ANKIB1: variants seen among roughly 807,000 people sequenced by gnomAD.
ANKIB1 encodes the protein ankyrin repeat and IBR domain-containing protein 1.
In ANKIB1, 43 loss-of-function variants were observed where a neutral mutation model predicts 122.1. The observed-to-expected ratio is 0.35, with a 90% CI of 0.28 to 0.45. The LOEUF is 0.45. Among genes scored for constraint, ANKIB1 ranks in the 20% least tolerant of loss-of-function variants. ANKIB1 has a pLI of 1.00. For synonymous variants in ANKIB1, 390 were observed against 442.0 expected, an observed-to-expected ratio of 0.88 and a Z score of 1.48; for missense variants, 992 against 1,329.5, an observed-to-expected ratio of 0.75 and a Z score of 3.95.
intron 2 of ANKIB1, among the ~76,000 whole-genome samples, chr7:92,301,534 G>A (rs1383432565): frequency 6.6e-6 from 1 of 151,900 alleles, no homozygotes; most frequent in African/African-American, 2.4e-5. Context: ...TTTTAATTGA[G>A]TTATTTGTTT....
intron 1 of ANKIB1, among the ~76,000 whole-genome samples, chr7:92,290,055 G>A (rs1348026756): frequency 3.3e-5 from 5 of 152,172 alleles, no homozygotes; most frequent in Non-Finnish European, 5.9e-5. Context: ...GGGCTCAAGC[G>A]ATCCTCCTGC....
At position 92,398,845 on chromosome 7, in the gene ANKIB1, G is replaced by A; in HGVS notation, c.3166G>A (p.Gly1056Ser). 6.2e-7 allele frequency: 1 copy of A among 1,604,480 alleles called. No individual in the cohort carries two copies. Among genetic ancestry groups the A allele is most frequent in the Non-Finnish European group, 8.5e-7 (1 of 1,175,270 alleles). ...GGCGGGGGAAGCAGCATCTCAAGCT[G>A]GTGACAGTGGTAACGAGGCAGCCAA... ...ILAGEAASQA[G>S]DSGNEAANRG... Residue 1056 changes from glycine to serine, a missense_variant, in exon 20 of 20, where the codon GGT becomes AGT. This residue lies in a region of ANKIB1 where 384 missense variants were observed against 412.0 expected (regional missense o/e 0.93). Coordinates refer to ENST00000265742, the MANE Select transcript of ANKIB1 (RefSeq NM_019004.2).
At chr7:92,369,643 G>A (rs920090483) in intron 10 of ANKIB1, among the ~76,000 whole-genome samples, 2 of 152,162 alleles carry the variant, frequency 1.3e-5, no homozygotes, top group African/African-American at 4.8e-5. Flanking sequence ...TGCTTTGACA[G>A]TAGAGCCAAC....
chr7:92,338,593 T>C (rs1803344741), intron 5 of ANKIB1, among the ~76,000 whole-genome samples: 1 of 151,904 alleles, frequency 6.6e-6, no homozygotes, highest in South Asian at 2.1e-4. Flanking sequence ...GCATTTCAGG[T>C]TTTTATAATA....
At chr7:92,247,594 A>G (rs976977749) in intron 1 of ANKIB1, among the ~76,000 whole-genome samples, 4 of 152,258 alleles carry the variant, frequency 2.6e-5, no homozygotes, top group African/African-American at 9.6e-5. Context: ...GTTTTTTCTC[A>G]TTAGAATTTG....
chr7:92,255,022 TCTC>T (rs376886156), intron 1 of ANKIB1, among the ~76,000 whole-genome samples: 18 of 152,308 alleles, frequency 1.2e-4, no homozygotes, highest in African/African-American at 4.3e-4. Context: ...CAAGCTCTCT[TCTC>T]TTTGCCTGCT....
At chr7:92,313,995 T>G (rs1802742837) in intron 3 of ANKIB1, among the ~76,000 whole-genome samples, 1 of 152,108 alleles carries the variant, frequency 6.6e-6, no homozygotes, top group African/African-American at 2.4e-5. Context: ...TTAGAGAAAA[T>G]TGAGCCATTG....
At chr7:92,328,767 A>G (rs1803086343) in intron 5 of ANKIB1, among the ~76,000 whole-genome samples, 1 of 151,874 alleles carries the variant, frequency 6.6e-6, no homozygotes, top group Non-Finnish European at 1.5e-5. Flanking sequence ...GATCTATACT[A>G]AAATAGAATG....
chr7:92,336,753 A>G (rs1242038922), intron 5 of ANKIB1, among the ~76,000 whole-genome samples: 1 of 152,152 alleles, frequency 6.6e-6, no homozygotes, highest in African/African-American at 2.4e-5. Flanking sequence ...GTCTGCCCAC[A>G]GAGAAAAACT....
At chr7:92,373,677 A>G (rs545737028) in intron 11 of ANKIB1, among the ~76,000 whole-genome samples, 3 of 152,178 alleles carry the variant, frequency 2.0e-5, no homozygotes, top group Non-Finnish European at 2.9e-5. Flanking sequence ...AGGTGTAACA[A>G]CATGGTCATG....
chr7:92,282,533 G>A (rs951688619), intron 1 of ANKIB1, among the ~76,000 whole-genome samples: 1 of 152,098 alleles, frequency 6.6e-6, no homozygotes, highest in African/African-American at 2.4e-5. Context: ...AGTTTAACAT[G>A]TTCACTTATA....
rs558944925 is a variant in ANKIB1 at position 92,322,804 on chromosome 7, A to G, written c.669+3292A>G. Among the ~76,000 whole-genome samples, 7 of 152,280 alleles carry G rather than the reference A, an allele frequency of 4.6e-5. No individual in the cohort carries two copies. The East Asian group carries it at 1.3e-3, about 29-fold the overall frequency. On this transcript the variant is annotated intron_variant, in intron 4 of 19. Transcript: ENST00000265742. ...GCTGCAGTGAATATTTGTCTGATAT[A>G]TATCTTCTTTATCCAATTGTGCCAT...
intron 5 of ANKIB1, among the ~76,000 whole-genome samples, chr7:92,331,298 A>C (rs989914579): frequency 4.0e-5 from 6 of 149,614 alleles, no homozygotes; most frequent in African/African-American, 1.5e-4. Context: ...AGGCAGTCTA[A>C]CTCTGTCAAC....
chr7:92,363,804 C>A (rs1804007995), intron 10 of ANKIB1, among the ~76,000 whole-genome samples: 1 of 151,242 alleles, frequency 6.6e-6, no homozygotes, highest in South Asian at 2.1e-4. Context: ...GTCATTTTGT[C>A]CACTGACTCA....
intron 3 of ANKIB1, among the ~76,000 whole-genome samples, chr7:92,318,645 C>G (rs1405662564): frequency 6.6e-6 from 1 of 152,160 alleles, no homozygotes; most frequent in Non-Finnish European, 1.5e-5. Flanking sequence ...TCCTTAATAA[C>G]AACATACTTA....
chr7:92,281,218 A>T (rs1802006717), intron 1 of ANKIB1, among the ~76,000 whole-genome samples: 2 of 152,160 alleles, frequency 1.3e-5, no homozygotes, highest in Non-Finnish European at 2.9e-5. Flanking sequence ...TTCCTTAGAG[A>T]CTCGGTGTCC....
At chr7:92,388,638 C>G (rs1299561528) in intron 14 of ANKIB1, among the ~76,000 whole-genome samples, 1 of 152,162 alleles carries the variant, frequency 6.6e-6, no homozygotes, top group African/African-American at 2.4e-5. Context: ...ACAACGACCA[C>G]ACAGAGTGCA....
At chr7:92,389,920 TA>T (rs1804750356) in intron 14 of ANKIB1, 50 bp from the exon 15 acceptor site, 1 of 1,540,502 alleles carries the variant, frequency 6.5e-7, no homozygotes, top group Non-Finnish European at 8.7e-7. Context: ...ATTAATATTA[TA>T]AATGGCATAT....
At chr7:92,348,717 T>C (rs538343950) in intron 7 of ANKIB1, among the ~76,000 whole-genome samples, 1 of 152,242 alleles carries the variant, frequency 6.6e-6, no homozygotes, top group East Asian at 1.9e-4. Flanking sequence ...ATATCGCTGC[T>C]TAGCACAGGA....
Sources: gnomAD v4.1 joint callset for allele counts (sites outside exome capture counted in the v4.1 genomes callset) on GRCh38, gnomAD v4.1.1 for gene constraint, gnomAD v4.1.1 regional missense constraint, MANE v1.5 for transcripts, NCBI Gene and HGNC (gene_info 2026-07-23, HGNC 2026-07-21) for gene names.